PCDHGB7: variants seen among roughly 807,000 people sequenced by gnomAD.
PCDHGB7 encodes protocadherin gamma subfamily B, 7, also known as protocadherin gamma-B7.
Under a neutral mutation model 61.4 loss-of-function variants are expected in PCDHGB7, and 37 were observed. The observed-to-expected ratio is 0.60, with a 90% CI of 0.46 to 0.79. The LOEUF (loss-of-function observed/expected upper bound fraction) is 0.79. Among genes scored for constraint, PCDHGB7 ranks in the 30% least tolerant of loss-of-function variants. PCDHGB7 has a pLI of 0.00. For synonymous variants in PCDHGB7, 464 were observed against 503.5 expected (o/e 0.92, Z 1.05); for missense variants, 1,166 against 1,202.5 (o/e 0.97, Z 0.45).
chr5:141,435,686 T>C (rs2097774326), intron 1 of PCDHGB7, among the ~76,000 whole-genome samples: 1 of 152,340 alleles, frequency 6.6e-6, no homozygotes, highest in Non-Finnish European at 1.5e-5. Flanking sequence ...GAGAACTTTA[T>C]GCTTATTGTA....
intron 2 of PCDHGB7, among the ~76,000 whole-genome samples, chr5:141,503,954 C>T (rs2099834393): frequency 6.6e-6 from 1 of 152,186 alleles, no homozygotes; most frequent in Non-Finnish European, 1.5e-5. Flanking sequence ...GCCTACCCTA[C>T]AGCCTTTCCC....
Position 141,438,239 on chromosome 5 carries a change from A to C in PCDHGB7, c.2415+17965A>C, listed in dbSNP as rs550172792. Among the ~76,000 whole-genome samples, 9 of 152,298 alleles carry C rather than the reference A, an allele frequency of 5.9e-5. No homozygotes were observed. In the East Asian group the frequency reaches 1.7e-3, roughly 29 times the overall value. On this transcript the variant is annotated intron_variant, in intron 1 of 3. Transcript: ENST00000398594. ...GCTCTGGTTCAGGAAAATGTTTTTA[A>C]AAAACTGTCATTGAAGAGACCATAG...
At chr5:141,442,472 C>A (rs1032989256) in intron 1 of PCDHGB7, 4 of 152,204 alleles carry the variant, frequency 2.6e-5, no homozygotes, top group African/African-American at 9.7e-5. Flanking sequence ...GCAGAAAGCC[C>A]CTTGGGGAAG....
intron 1 of PCDHGB7, among the ~76,000 whole-genome samples, chr5:141,492,632 C>T (rs1359761285): frequency 1.3e-5 from 2 of 152,256 alleles, no homozygotes; most frequent in Admixed American, 1.3e-4. Context: ...CAGGACTCTA[C>T]GATCCTTGGG....
chr5:141,457,708 T>C (rs1160977721), intron 1 of PCDHGB7, among the ~76,000 whole-genome samples: 1 of 152,260 alleles, frequency 6.6e-6, no homozygotes, highest in Admixed American at 6.5e-5. Context: ...GATGAAACAC[T>C]GTTCCACAAG....
Position 141,432,153 on chromosome 5 carries a change from A to T in PCDHGB7, c.2415+11879A>T. 6.2e-7 allele frequency: 1 copy of T among 1,613,758 alleles called. No homozygotes were observed. The highest frequency in any genetic ancestry group is 8.5e-7 in the Non-Finnish European group (1 of 1,179,910). On this transcript the variant is annotated intron_variant, in intron 1 of 3. Transcript: ENST00000398594. This position sits in a 1 kb window ranked among gnomAD's most constrained non-coding sequence, Gnocchi z 6.0. ...TATTCCGCTTATATCCCAGAGAACA[A>T]TCCCAGAGGAGTTTCCCTCGTCTCT...
chr5:141,448,511 A>C (rs2098593334), intron 1 of PCDHGB7, among the ~76,000 whole-genome samples: 1 of 152,076 alleles, frequency 6.6e-6, no homozygotes, highest in Admixed American at 6.6e-5. Context: ...ACATTTTATA[A>C]CTTTATTAAG....
rs144222319 is a variant in PCDHGB7, at chr5:141,505,519, C to T, written c.2563+38C>T. ...AGTGTGTGTATGGAAGAGTGGGAGACCTGGGGTTCTGGGGTGCATCTCACA... is the reference window on the plus strand; with the variant it reads ...AGTGTGTGTATGGAAGAGTGGGAGATCTGGGGTTCTGGGGTGCATCTCACA... On this transcript the variant is annotated intron_variant, in intron 3 of 3. Coordinates refer to ENST00000398594, the MANE Select transcript of PCDHGB7 (RefSeq NM_018927.4). The T allele has an allele frequency of 1.5e-3, 2,491 of 1,613,690 alleles. 3 individuals carry two copies. The highest frequency in any genetic ancestry group is 2.6e-3 in the Middle Eastern group (16 of 6,060).
chr5:141,418,629 C>T lies in PCDHGB7; in HGVS notation c.770C>T (p.Pro257Leu). The part of the protein sequence containing the change: ...YRVSLREDVP[P>L]GTSILRVKAT... ...GTTAGCCTTCGGGAAGACGTGCCTC[C>T]AGGCACCTCCATCCTGAGAGTGAAG... The change falls in exon 1 of 4, where the codon CCA (proline) becomes CTA (leucine). Residue 257 changes from proline (P) to leucine (L), a missense_variant. Pro to Leu is a moderately conservative substitution (Grantham distance 98, BLOSUM62 -3). Coordinates refer to ENST00000398594, the MANE Select transcript of PCDHGB7 (RefSeq NM_018927.4). 6.2e-7 allele frequency: 1 copy of T among 1,614,014 alleles called. No individual in the cohort carries two copies. Among genetic ancestry groups the T allele is most frequent in the Non-Finnish European group, 8.5e-7 (1 of 1,179,876 alleles).
At position 141,423,255 on chromosome 5, in the gene PCDHGB7, C is replaced by T. The variant is rs368969800; in HGVS notation, c.2415+2981C>T. ...GCATCCCCGAAGTCCTGGCGGACCT[C>T]GGCAGCCTCGAGTCTCTGGCTAACT... On this transcript the variant is annotated intron_variant, in intron 1 of 3. Transcript: ENST00000398594. 2.0e-5 allele frequency: 33 copies of T among 1,613,930 alleles called. No homozygotes were observed. In the East Asian group the frequency reaches 3.8e-4, roughly 19 times the overall value.
chr5:141,430,471 T>TA (rs759564776), intron 1 of PCDHGB7: 176 of 234,152 alleles, frequency 7.5e-4, no homozygotes, highest in Non-Finnish European at 1.1e-3. Context: ...TGGAGCTATT[T>TA]AAGATATAAA....
intron 1 of PCDHGB7, chr5:141,440,348 C>G (rs2098169693): frequency 6.6e-6 from 1 of 152,190 alleles, no homozygotes; most frequent in South Asian, 2.1e-4. Flanking sequence ...GGCCTATAAT[C>G]CTAGCTACTC....
In PCDHGB7 at chr5:141,420,118, T is replaced by C. The variant is rs2096468123; in HGVS notation, c.2259T>C (p.Asn753=). 2 of 1,613,844 alleles carry C rather than the reference T, an allele frequency of 1.2e-6. No homozygotes were observed. The highest frequency in any genetic ancestry group is 1.7e-5 in the Admixed American group (1 of 60,008). The stretch of plus-strand genomic sequence containing the variant: ...AGGGAACGTTGCCCTATGCCTATAA[T>C]TTTTGTGTGCCTGGGGATCAAATGA... ...YSEGTLPYAY[N]FCVPGDQMNP... Residue 753 remains asparagine, a synonymous_variant, in exon 1 of 4, where the codon AAT becomes AAC. Coordinates refer to ENST00000398594, the MANE Select transcript of PCDHGB7 (RefSeq NM_018927.4).
chr5:141,479,329 G>A (rs2099493017), intron 1 of PCDHGB7: 1 of 152,490 alleles, frequency 6.6e-6, no homozygotes, highest in African/African-American at 2.4e-5. Context: ...AGACTCAGTG[G>A]TGTGCACCTG....
rs767400679 is a variant in PCDHGB7, at chr5:141,476,863, C to T, written c.2416-17944C>T. 2.2e-5 allele frequency: 35 copies of T among 1,613,740 alleles called. No individual in the cohort carries two copies. Among genetic ancestry groups the T allele is most frequent in the Non-Finnish European group, 2.8e-5 (33 of 1,180,062 alleles). On this transcript the variant is annotated intron_variant, in intron 1 of 3. Coordinates refer to ENST00000398594, the MANE Select transcript of PCDHGB7 (RefSeq NM_018927.4). The surrounding 1 kb of genome is among the most constrained non-coding windows in gnomAD (Gnocchi z 7.6). ...CGCCTGTCTTCAACCAGTCCTTGTA[C>T]CGGGCGCGCGTCCTGGAGGATGCAC...
At chr5:141,422,434 T>C in intron 1 of PCDHGB7, 5 of 1,609,566 alleles carry the variant, frequency 3.1e-6, no homozygotes, top group Non-Finnish European at 3.4e-6. Context: ...TGGAAATTAT[T>C]ACAAATTGAT....
Position 141,441,858 on chromosome 5 carries a change from C to T in PCDHGB7, c.2415+21584C>T, listed in dbSNP as rs535716058. The T allele has an allele frequency of 6.0e-5, 21 of 349,416 alleles. No homozygotes were observed. The East Asian group carries it at 7.4e-4, about 12-fold the overall frequency. The allele number at this position is 349,416 out of a possible 1,614,324, so 21.6% of individuals were successfully genotyped here. On this transcript the variant is annotated intron_variant, in intron 1 of 3. Coordinates refer to ENST00000398594, the MANE Select transcript of PCDHGB7 (RefSeq NM_018927.4). ...TCGCGCTCTTGGATATGGTGCTGCA[C>T]GCCGCGGAGCCTGGCTACCTGGTCA...
chr5:141,502,500 G>C (rs1398797155), intron 2 of PCDHGB7, among the ~76,000 whole-genome samples: 1 of 152,046 alleles, frequency 6.6e-6, no homozygotes, highest in Non-Finnish European at 1.5e-5. Flanking sequence ...ATCTAACGTC[G>C]GCCTGTCCCA....
In PCDHGB7 at chr5:141,493,548, G is replaced by A. The variant is rs1243278355; in HGVS notation, c.2416-1259G>A. 3.9e-5 allele frequency among the ~76,000 whole-genome samples: 6 copies of A among 152,196 alleles called. No homozygotes were observed. ...AAACTTGGCCAGTTATCCTTTTGGA[G>A]ATTGAGTTCCCCCAGCTCCGTTTCC... On this transcript the variant is annotated intron_variant, in intron 1 of 3. Coordinates refer to ENST00000398594, the MANE Select transcript of PCDHGB7 (RefSeq NM_018927.4). This position sits in a 1 kb window ranked among gnomAD's most constrained non-coding sequence, Gnocchi z 4.3.
Sources: gnomAD v4.1 joint callset for allele counts (sites outside exome capture counted in the v4.1 genomes callset) on GRCh38, gnomAD v4.1.1 for gene constraint, Gnocchi (gnomAD v3.1) non-coding constraint, MANE v1.5 for transcripts, NCBI Gene and HGNC (gene_info 2026-07-23, HGNC 2026-07-21) for gene names.